FRMD5: variants seen among roughly 807,000 people sequenced by gnomAD.
FRMD5 encodes the protein FERM domain-containing protein 5.
A neutral mutation model predicts 69.0 loss-of-function variants in FRMD5; 20 were observed. That is an observed-to-expected ratio of 0.29 (90% CI 0.20 to 0.42). The LOEUF (loss-of-function observed/expected upper bound fraction) is 0.42, where lower values mean the gene tolerates loss of function less well. FRMD5 is among the 10% of genes least tolerant of loss of function. FRMD5 has a pLI of 1.00. For missense variants in FRMD5, 595 were observed against 708.6 expected (o/e 0.84, Z 1.82); for synonymous variants, 271 against 260.1 (o/e 1.04, Z -0.40).
At chr15:44,195,644 G>C (rs2078282317), upstream of FRMD5, among the ~76,000 whole-genome samples, 1 of 152,250 alleles carries the variant, frequency 6.6e-6, no homozygotes, top group Non-Finnish European at 1.5e-5. Flanking sequence ...GCCCTCTTGG[G>C]AGCCGGAGCG....
chr15:44,164,529 A>C (rs1258857822), intron 1 of FRMD5, among the ~76,000 whole-genome samples: 1 of 152,246 alleles, frequency 6.6e-6, no homozygotes, highest in Non-Finnish European at 1.5e-5. Context: ...GCAAGATAAG[A>C]GGCAACAGAC....
chr15:43,892,311 TG>T (rs2088811767), intron 7 of FRMD5, among the ~76,000 whole-genome samples: 1 of 152,236 alleles, frequency 6.6e-6, no homozygotes, highest in African/African-American at 2.4e-5. Flanking sequence ...TAGGTTATAA[TG>T]ATACCAACCT....
intron 1 of FRMD5, among the ~76,000 whole-genome samples, chr15:44,084,713 CTTTAAA>C (rs1235828671): frequency 6.6e-6 from 1 of 150,910 alleles, no homozygotes; most frequent in Non-Finnish European, 1.5e-5. Flanking sequence ...GAATTGTACA[CTTTAAA>C]TTTAAATTGT....
intron 1 of FRMD5, among the ~76,000 whole-genome samples, chr15:44,128,904 G>A (rs1295651377): frequency 1.3e-5 from 2 of 152,180 alleles, no homozygotes; most frequent in Non-Finnish European, 1.5e-5. Context: ...TGAGTGGGGA[G>A]AGAAGGCATA....
intron 1 of FRMD5, among the ~76,000 whole-genome samples, chr15:44,191,370 G>C (rs2464691): frequency 1.8e-4 from 27 of 152,086 alleles, no homozygotes; most frequent in African/African-American, 6.5e-4. Context: ...GGTGGATCAC[G>C]AGGTCAAGAG....
intron 1 of FRMD5, among the ~76,000 whole-genome samples, chr15:44,008,564 C>T (rs1259026710): frequency 1.3e-5 from 2 of 151,984 alleles, no homozygotes; most frequent in African/African-American, 4.8e-5. Flanking sequence ...CCGCGCCCGG[C>T]CACAGGCTTT....
chr15:44,001,983 A>G (rs900349860), intron 1 of FRMD5, among the ~76,000 whole-genome samples: 1 of 152,054 alleles, frequency 6.6e-6, no homozygotes, highest in African/African-American at 2.4e-5. Context: ...AGCCTCCCAA[A>G]GTGCGAGCCA....
At chr15:44,070,639 T>A (rs1330485476) in intron 1 of FRMD5, among the ~76,000 whole-genome samples, 1 of 152,144 alleles carries the variant, frequency 6.6e-6, no homozygotes, top group Non-Finnish European at 1.5e-5. Context: ...ACATGGTAGC[T>A]CCATAAGCTC....
At chr15:44,196,584 G>A (rs1236455194), upstream of FRMD5, among the ~76,000 whole-genome samples, 1 of 151,844 alleles carries the variant, frequency 6.6e-6, no homozygotes, top group Non-Finnish European at 1.5e-5. Flanking sequence ...CTTGTTTATA[G>A]GTATAATGTG....
chr15:44,067,545 G>A (rs1325262776), intron 1 of FRMD5, among the ~76,000 whole-genome samples: 1 of 152,130 alleles, frequency 6.6e-6, no homozygotes, highest in Non-Finnish European at 1.5e-5. Context: ...TTGGTGTCTG[G>A]TGAGGGCCTG....
intron 1 of FRMD5, among the ~76,000 whole-genome samples, chr15:43,959,843 C>G (rs893624841): frequency 6.6e-6 from 1 of 152,088 alleles, no homozygotes; most frequent in Non-Finnish European, 1.5e-5. Context: ...TTTAACGGGC[C>G]TATTGCTCAT....
At chr15:44,151,032 C>T (rs1204348224) in intron 1 of FRMD5, among the ~76,000 whole-genome samples, 1 of 151,860 alleles carries the variant, frequency 6.6e-6, no homozygotes, top group East Asian at 1.9e-4. Context: ...GCAGAGGCTG[C>T]AGTGAGCCGA....
At chr15:44,181,835 C>G (rs73407885) in intron 1 of FRMD5, among the ~76,000 whole-genome samples, 2 of 151,858 alleles carry the variant, frequency 1.3e-5, no homozygotes, top group Non-Finnish European at 2.9e-5. Flanking sequence ...CCCAGGAGTT[C>G]GAGGGTAAAG....
intron 1 of FRMD5, among the ~76,000 whole-genome samples, chr15:43,930,684 GC>G (rs750868240): frequency 1.3e-5 from 2 of 152,220 alleles, no homozygotes; most frequent in Non-Finnish European, 2.9e-5. Flanking sequence ...TTTTCATGAA[GC>G]CACACAGATA....
chr15:44,136,571 A>T (rs1002041907), intron 1 of FRMD5, among the ~76,000 whole-genome samples: 1 of 152,186 alleles, frequency 6.6e-6, no homozygotes, highest in Non-Finnish European at 1.5e-5. Context: ...GATCATATTA[A>T]TTCATCATAG....
intron 7 of FRMD5, among the ~76,000 whole-genome samples, chr15:43,900,595 T>C (rs1339776150): frequency 6.6e-6 from 1 of 151,018 alleles, no homozygotes; most frequent in East Asian, 1.9e-4. Context: ...TTTGTCCCTA[T>C]GTCACTGTGC....
intron 1 of FRMD5, among the ~76,000 whole-genome samples, chr15:44,118,039 A>G (rs1182733610): frequency 7.1e-6 from 1 of 141,220 alleles, no homozygotes; most frequent in African/African-American, 2.8e-5. Context: ...ACAGGGAGAA[A>G]CATTTCAAAG....
chr15:43,958,481 C>T (rs1172283444), intron 1 of FRMD5, among the ~76,000 whole-genome samples: 1 of 152,178 alleles, frequency 6.6e-6, no homozygotes, highest in African/African-American at 2.4e-5. Context: ...AGCGCAGTGG[C>T]AACATCACAA....
intron 1 of FRMD5, among the ~76,000 whole-genome samples, chr15:44,096,195 A>G (rs934601569): frequency 2.8e-5 from 4 of 144,708 alleles, no homozygotes; most frequent in African/African-American, 1.1e-4. Context: ...AACATGAGAG[A>G]AACTCCATCT....
Sources: allele counts gnomAD v4.1 joint callset (sites outside exome capture counted in the v4.1 genomes callset), GRCh38; gene constraint gnomAD v4.1.1; transcripts MANE v1.5; gene names NCBI Gene and HGNC (gene_info 2026-07-23, HGNC 2026-07-21).